The following RPL26L1 variants were observed in gnomAD, a reference collection of about 807,000 sequenced individuals.
RPL26L1 encodes ribosomal protein L26 like 1.
In RPL26L1, 8 loss-of-function variants were observed where a neutral mutation model predicts 15.2. The ratio of observed to expected loss-of-function variants is 0.53; its 90% confidence interval spans 0.31 to 0.95. The LOEUF (loss-of-function observed/expected upper bound fraction) is 0.95, where lower values mean the gene tolerates loss of function less well. Among genes scored for constraint, RPL26L1 ranks in the 40% least tolerant of loss-of-function variants. The pLI is 0.05. For synonymous variants in RPL26L1, 51 were observed against 65.9 expected, an observed-to-expected ratio of 0.77 and a Z score of 1.09; for missense variants, 146 against 190.9, an observed-to-expected ratio of 0.76 and a Z score of 1.39.
upstream of RPL26L1, chr5:172,957,669 T>C (rs1484519343): frequency 9.2e-6 from 2 of 217,624 alleles, no homozygotes; most frequent in Non-Finnish European, 1.9e-5. Context: ...GGGCAGGGCA[T>C]GGGTTTGACT....
Position 172,968,840 on chromosome 5 carries a change from G to A in RPL26L1, c.309+241G>A, listed in dbSNP as rs556733967. Among the ~76,000 whole-genome samples, 218 of 113,438 alleles carry A rather than the reference G, an allele frequency of 1.9e-3. 1 individual carries two copies. Among genetic ancestry groups the A allele is most frequent in the African/African-American group, 7.0e-3 (210 of 30,200 alleles). The allele number at this position is 113,438 out of a possible 152,430, so 74.4% of individuals were successfully genotyped here. A position where few individuals can be genotyped will look rare whatever the true frequency, so the allele number is the denominator to read the frequency against. On this transcript the variant is annotated intron_variant, in intron 3 of 3. Coordinates refer to ENST00000265100, the MANE Select transcript of RPL26L1 (RefSeq NM_016093.4). ...TTTTTTTTTTTTGAGACGGATGCTC[G>A]CTCTGTCACCAGGCTGGAGTGCTGT...
At chr5:172,968,726 G>T in intron 3 of RPL26L1, 127 bp downstream of exon 3, 1 of 876,830 alleles carries the variant, frequency 1.1e-6, no homozygotes. Flanking sequence ...TGATTCAGTA[G>T]CTTTGTGATA....
At chr5:172,954,744 G>A (rs1764318030), upstream of RPL26L1, 1 of 361,092 alleles carries the variant, frequency 2.8e-6, no homozygotes, top group Non-Finnish European at 5.5e-6. Flanking sequence ...CCTTAGCCCA[G>A]GGTCATTGTC....
chr5:172,954,198 G>A (rs529047546), upstream of RPL26L1, among the ~76,000 whole-genome samples: 1 of 152,308 alleles, frequency 6.6e-6, no homozygotes, highest in South Asian at 2.1e-4. Context: ...GAATGCTTTA[G>A]AGAGACTTGA....
At chr5:172,967,823 A>G (rs907499129) in intron 2 of RPL26L1, among the ~76,000 whole-genome samples, 1 of 150,024 alleles carries the variant, frequency 6.7e-6, no homozygotes, top group African/African-American at 2.5e-5. Flanking sequence ...AAGTACATAT[A>G]TGTATGTATG....
rs1291174482 is a variant in RPL26L1, at chr5:172,959,970, C to T, written c.97C>T (p.Pro33Ser). 4 of 1,614,082 alleles carry T rather than the reference C, an allele frequency of 2.5e-6. No individual in the cohort carries two copies. The African/African-American group carries it at 4.0e-5, about 16-fold the overall frequency. ...CGTGCGCAGGAAGATCATGTCATCC[C>T]CGCTCTCCAAGGAGCTGCGGCAGAA... is the stretch of plus-strand genomic sequence containing the variant. ...SHVRRKIMSS[P>S]LSKELRQKYN... is the part of the protein sequence containing the mutation. The change falls in exon 2 of 4, where the codon CCG (proline) becomes TCG (serine). Residue 33 changes from proline to serine, a missense_variant. Physicochemically the swap from Pro to Ser is moderately conservative, Grantham distance 74. Transcript: ENST00000265100.
At chr5:172,959,257 G>T (rs1755117672), upstream of RPL26L1, 1 of 382,264 alleles carries the variant, frequency 2.6e-6, no homozygotes, top group Non-Finnish European at 3.6e-6. Context: ...AGCCTCTACC[G>T]CAGGCCCTAC....
intron 2 of RPL26L1, among the ~76,000 whole-genome samples, chr5:172,962,854 T>A (rs982778306): frequency 9.9e-5 from 15 of 151,832 alleles, no homozygotes; most frequent in African/African-American, 3.6e-4. Flanking sequence ...TTGGCAGTTT[T>A]ATATCTGCCA....
intron 2 of RPL26L1, among the ~76,000 whole-genome samples, chr5:172,965,695 T>G (rs762370153): frequency 6.6e-6 from 1 of 152,218 alleles, no homozygotes; most frequent in Non-Finnish European, 1.5e-5. Context: ...CTGGCCACAT[T>G]AATCTCTCAC....
At chr5:172,966,458 G>A (rs540185481) in intron 2 of RPL26L1, among the ~76,000 whole-genome samples, 2 of 150,312 alleles carry the variant, frequency 1.3e-5, no homozygotes, top group Non-Finnish European at 3.0e-5. Flanking sequence ...CACCATGCCC[G>A]GCCTAAGATC....
At chr5:172,957,813 G>A (rs1413221307), upstream of RPL26L1, 1 of 164,826 alleles carries the variant, frequency 6.1e-6, no homozygotes, top group African/African-American at 2.4e-5. Flanking sequence ...CCTTATTCTT[G>A]GAGCCTGGGC....
rs1157257305 is a variant in RPL26L1, at chr5:172,969,759, C to T, written c.*218C>T. On this transcript the variant is annotated 3_prime_UTR_variant, in exon 4 of 4. Coordinates refer to ENST00000265100, the MANE Select transcript of RPL26L1 (RefSeq NM_016093.4). ...TTTGCATTGTTTTATAAATAAATTC[C>T]ACTTACTATCAATTCCCCTTTGCCA... 1 of 390,582 alleles carries T rather than the reference C, an allele frequency of 2.6e-6. No homozygotes were observed. Among genetic ancestry groups the T allele is most frequent in the Non-Finnish European group, 4.7e-6 (1 of 211,634 alleles). 24.2% of individuals were successfully genotyped at this position (390,582 alleles called of 1,614,324 possible).
In RPL26L1 at chr5:172,968,803, C is replaced by CTTTTTTTTTT. The variant is rs539398008; in HGVS notation, c.309+218_309+227dup. ...TTGCCTTTCTTGGTGATGGCTGTGTCTTTTTTTTTTTTTTTTTTTTTTTGA... is the reference window on the plus strand; with the variant it reads ...TTGCCTTTCTTGGTGATGGCTGTGTCTTTTTTTTTTTTTTTTTTTTTTTTTTTTTTTTTGA... On this transcript the variant is annotated intron_variant, in intron 3 of 3. Coordinates refer to ENST00000265100, the MANE Select transcript of RPL26L1 (RefSeq NM_016093.4). 7.4e-4 allele frequency among the ~76,000 whole-genome samples: 55 copies of CTTTTTTTTTT among 74,370 alleles called. 2 individuals carry two copies. The highest frequency in any genetic ancestry group is 3.3e-3 in the East Asian group (7 of 2,108). The allele number at this position is 74,370 out of a possible 152,430, so 48.8% of individuals were successfully genotyped here.
At chr5:172,965,416 C>T (rs1755415719) in intron 2 of RPL26L1, among the ~76,000 whole-genome samples, 2 of 152,200 alleles carry the variant, frequency 1.3e-5, no homozygotes, top group Non-Finnish European at 2.9e-5. Context: ...TTCCATCCCC[C>T]TCAAACATCT....
upstream of RPL26L1, chr5:172,957,342 C>A: frequency 2.2e-6 from 1 of 450,074 alleles, no homozygotes; most frequent in Non-Finnish European, 4.5e-6. Context: ...CAAAACAAAG[C>A]AAAAAGCCTT....
chr5:172,955,370 C>G (rs1464461175), upstream of RPL26L1: 1 of 190,664 alleles, frequency 5.2e-6, no homozygotes, highest in Non-Finnish European at 1.1e-5. Context: ...CTCAGGTGAT[C>G]CACCTGCCTC....
At chr5:172,955,296 T>C (rs182116719), upstream of RPL26L1, 260 of 283,022 alleles carry the variant, frequency 9.2e-4, 2 homozygotes, top group East Asian at 0.012. Flanking sequence ...GCCCAGCTAA[T>C]TTTTGTATTT....
At position 172,959,484 on chromosome 5, in the gene RPL26L1, A is replaced by T; in HGVS notation, c.-10+16A>T. 9.8e-7 allele frequency: 1 copy of T among 1,023,786 alleles called. No homozygotes were observed. Among genetic ancestry groups the T allele is most frequent in the Non-Finnish European group, 1.2e-6 (1 of 849,820 alleles). The allele number at this position is 1,023,786 out of a possible 1,614,324, so 63.4% of individuals were successfully genotyped here. ...TAGTAGCCGGGTGAGTGGAGGCTGGAGTTTTCTCGGACAGTGAACTCTACC... is the reference window on the plus strand; with the variant it reads ...TAGTAGCCGGGTGAGTGGAGGCTGGTGTTTTCTCGGACAGTGAACTCTACC... On this transcript the variant is annotated intron_variant, in intron 1 of 3. Coordinates refer to ENST00000265100, the MANE Select transcript of RPL26L1 (RefSeq NM_016093.4).
intron 2 of RPL26L1, among the ~76,000 whole-genome samples, chr5:172,967,827 A>G (rs1167524737): frequency 6.7e-6 from 1 of 150,066 alleles, no homozygotes; most frequent in Admixed American, 6.7e-5. Flanking sequence ...ACATATATGT[A>G]TGTATGACAT....
Sources: allele counts gnomAD v4.1 joint callset (sites outside exome capture counted in the v4.1 genomes callset), GRCh38; gene constraint gnomAD v4.1.1; transcripts MANE v1.5; gene names NCBI Gene and HGNC (gene_info 2026-07-23, HGNC 2026-07-21).